GNAQ: variants seen among roughly 807,000 people sequenced by gnomAD.
GNAQ encodes the protein guanine nucleotide-binding protein G(q) subunit alpha.
GNAQ carries 8 observed loss-of-function variants against 43.9 expected under a neutral mutation model. The observed-to-expected ratio is 0.18, with a 90% CI of 0.11 to 0.33. The LOEUF (loss-of-function observed/expected upper bound fraction) is 0.33. Ranked by LOEUF, GNAQ falls within the 10% of genes least tolerant of loss-of-function variation. GNAQ has a pLI of 1.00. For synonymous variants in GNAQ, 155 were observed against 170.7 expected (o/e 0.91, Z 0.71); for missense variants, 158 against 450.8 (o/e 0.35, Z 5.88).
chr9:77,909,543 AG>A (rs1372785685), intron 2 of GNAQ, among the ~76,000 whole-genome samples: 1 of 152,220 alleles, frequency 6.6e-6, no homozygotes, highest in Non-Finnish European at 1.5e-5. Context: ...TTTACCACAA[AG>A]GAAGTGTGCA....
At chr9:78,001,204 C>T (rs2118550998) in intron 1 of GNAQ, among the ~76,000 whole-genome samples, 1 of 152,090 alleles carries the variant, frequency 6.6e-6, no homozygotes, top group South Asian at 2.1e-4. Flanking sequence ...TAGAGACCAG[C>T]CTGGCCAACA....
At chr9:77,955,581 C>A (rs183758781) in intron 1 of GNAQ, among the ~76,000 whole-genome samples, 9 of 152,214 alleles carry the variant, frequency 5.9e-5, no homozygotes. Flanking sequence ...TTTGGTAAAC[C>A]AAGAATTTTG....
At chr9:77,990,658 T>C (rs1823496829) in intron 1 of GNAQ, among the ~76,000 whole-genome samples, 1 of 152,244 alleles carries the variant, frequency 6.6e-6, no homozygotes, top group South Asian at 2.1e-4. Flanking sequence ...CATGTATATA[T>C]ACAAGCACAC....
chr9:78,000,871 C>A lies in GNAQ; in HGVS notation c.136+30229G>T, dbSNP rs149082618. ...AAAAATGTTTAAAAGTATGTAATCC[C>A]CAGTGAGATTCAAAATATTTAATAA... On this transcript the variant is annotated intron_variant, in intron 1 of 6. Transcript: ENST00000286548. Among the ~76,000 whole-genome samples, 1,027 of 152,162 alleles carry A rather than the reference C, an allele frequency of 6.7e-3. 1 individual carries two copies. Among genetic ancestry groups the A allele is most frequent in the Middle Eastern group, 0.024 (7 of 294 alleles).
chr9:77,840,898 A>G (rs1827480423), intron 2 of GNAQ, among the ~76,000 whole-genome samples: 1 of 152,062 alleles, frequency 6.6e-6, no homozygotes, highest in Non-Finnish European at 1.5e-5. Context: ...AGAGCACTGG[A>G]GAGAGATGAA....
intron 3 of GNAQ, among the ~76,000 whole-genome samples, chr9:77,808,535 C>T (rs1054391657): frequency 1.3e-5 from 2 of 151,892 alleles, no homozygotes; most frequent in East Asian, 3.9e-4. Flanking sequence ...TTAAAGATAG[C>T]ATTTTTAGTA....
chr9:77,844,190 C>A (rs1587942154), intron 2 of GNAQ, among the ~76,000 whole-genome samples: 1 of 152,120 alleles, frequency 6.6e-6, no homozygotes, highest in East Asian at 1.9e-4. Flanking sequence ...TAATTGGTCC[C>A]TTTAAGCCTT....
chr9:77,812,166 T>C (rs1235040982), intron 3 of GNAQ, among the ~76,000 whole-genome samples: 4 of 152,222 alleles, frequency 2.6e-5, no homozygotes, highest in African/African-American at 9.6e-5. Flanking sequence ...AAAATAATTA[T>C]TTTACAAATC....
chr9:77,726,337 C>A (rs1825396003), intron 6 of GNAQ, among the ~76,000 whole-genome samples: 1 of 152,142 alleles, frequency 6.6e-6, no homozygotes, highest in Non-Finnish European at 1.5e-5. Flanking sequence ...ACAAAAGGTA[C>A]CATTTCTAAC....
At chr9:77,782,396 G>A (rs1826408359) in intron 5 of GNAQ, among the ~76,000 whole-genome samples, 1 of 152,134 alleles carries the variant, frequency 6.6e-6, no homozygotes, top group African/African-American at 2.4e-5. Flanking sequence ...ATAAAAAGAT[G>A]TTCTGTATCA....
intron 2 of GNAQ, among the ~76,000 whole-genome samples, chr9:77,899,392 C>G (rs1329734597): frequency 6.6e-6 from 1 of 151,922 alleles, no homozygotes; most frequent in Non-Finnish European, 1.5e-5. Context: ...CTACTGTGTC[C>G]GGTCTCATTC....
chr9:77,874,147 A>C (rs562147873), intron 2 of GNAQ, among the ~76,000 whole-genome samples: 21 of 152,204 alleles, frequency 1.4e-4, no homozygotes, highest in Admixed American at 9.2e-4. Flanking sequence ...AAAACAAGAA[A>C]GAAAAAAATA....
At chr9:77,761,179 C>T in intron 5 of GNAQ, among the ~76,000 whole-genome samples, 1 of 145,908 alleles carries the variant, frequency 6.9e-6, no homozygotes, top group African/African-American at 2.5e-5. Context: ...GGTCAGCCTC[C>T]CGCCCGGCCA....
chr9:77,810,876 T>TA (rs978591897), intron 3 of GNAQ, among the ~76,000 whole-genome samples: 1 of 152,182 alleles, frequency 6.6e-6, no homozygotes, highest in Non-Finnish European at 1.5e-5. Context: ...CATAGTGACT[T>TA]ACTGTTACTG....
At chr9:77,784,816 A>C (rs1292383222) in intron 5 of GNAQ, among the ~76,000 whole-genome samples, 1 of 152,226 alleles carries the variant, frequency 6.6e-6, no homozygotes, top group African/African-American at 2.4e-5. Context: ...TTAAATAAGC[A>C]CTTCAAAAAT....
intron 2 of GNAQ, among the ~76,000 whole-genome samples, chr9:77,918,726 C>G (rs1326720160): frequency 1.3e-5 from 2 of 152,084 alleles, no homozygotes; most frequent in Non-Finnish European, 2.9e-5. Context: ...CCAATGTGCC[C>G]CTCCCTCAGA....
At chr9:77,763,233 A>G (rs1826083079) in intron 5 of GNAQ, among the ~76,000 whole-genome samples, 1 of 152,176 alleles carries the variant, frequency 6.6e-6, no homozygotes, top group South Asian at 2.1e-4. Flanking sequence ...AAACATCTCA[A>G]GATTGCAATG....
At chr9:77,822,854 T>C (rs1158653414) in intron 2 of GNAQ, among the ~76,000 whole-genome samples, 1 of 152,124 alleles carries the variant, frequency 6.6e-6, no homozygotes, top group African/African-American at 2.4e-5. Flanking sequence ...AGCCAGAAAC[T>C]GTTCCATTAA....
At chr9:77,924,373 C>T (rs537719384) in intron 1 of GNAQ, among the ~76,000 whole-genome samples, 3 of 152,166 alleles carry the variant, frequency 2.0e-5, no homozygotes, top group African/African-American at 7.2e-5. Flanking sequence ...AAAAAAATCC[C>T]GATTGTTTCT....
Sources: gnomAD v4.1 joint callset for allele counts (sites outside exome capture counted in the v4.1 genomes callset) on GRCh38, gnomAD v4.1.1 for gene constraint, MANE v1.5 for transcripts, NCBI Gene and HGNC (gene_info 2026-07-23, HGNC 2026-07-21) for gene names.